The following MYOM1 variants were observed in gnomAD, a reference collection of about 807,000 sequenced individuals.
MYOM1 encodes the protein myomesin-1.
A neutral mutation model predicts 205.3 loss-of-function variants in MYOM1; 164 were observed. The ratio of observed to expected loss-of-function variants is 0.80; its 90% CI spans 0.70 to 0.91. MYOM1 has a LOEUF of 0.91. MYOM1 is among the 40% of genes least tolerant of loss of function. MYOM1 has a pLI of 0.00. For synonymous variants in MYOM1, 772 were observed against 789.4 expected, an observed-to-expected ratio of 0.98 and a Z score of 0.37; for missense variants, 2,011 against 2,127.3, an observed-to-expected ratio of 0.95 and a Z score of 1.08.
Position 3,129,496 on chromosome 18 carries a change from A to C in MYOM1, c.2530T>G (p.Cys844Gly). The C allele has an allele frequency of 6.2e-7, 1 of 1,613,264 alleles. No individual in the cohort carries two copies. The highest frequency in any genetic ancestry group is 1.1e-5 in the South Asian group (1 of 90,964). Residue 844 changes from cysteine to glycine, a missense_variant, in exon 18 of 38, where the codon TGT (cysteine) becomes GGT (glycine). Cys to Gly is a radical substitution (Grantham distance 159). Coordinates refer to ENST00000356443, the MANE Select transcript of MYOM1 (RefSeq NM_003803.4). ...CCAGGCTCATCGCTCAGTGCGGGAC[A>C]CACATCTGGAGACACTCCTCCCCCT... ...AIGGGVSPDV[C>G]PALSDEPGGL...
At chr18:3,144,160 T>C (rs2143952691) in intron 13 of MYOM1, among the ~76,000 whole-genome samples, 1 of 152,032 alleles carries the variant, frequency 6.6e-6, no homozygotes, top group Middle Eastern at 3.4e-3. Context: ...GAGCCGAGAC[T>C]GCAGCACTAC....
chr18:3,108,133 C>T (rs1243790311), intron 22 of MYOM1, among the ~76,000 whole-genome samples: 6 of 152,206 alleles, frequency 3.9e-5, no homozygotes, highest in Non-Finnish European at 8.8e-5. Context: ...AATGCCCTTA[C>T]TCAAAGAACC....
intron 34 of MYOM1, 83 bp downstream of exon 34, chr18:3,079,096 A>G: frequency 2.8e-6 from 4 of 1,446,648 alleles, no homozygotes; most frequent in Non-Finnish European, 2.8e-6. Context: ...TACAGGCATA[A>G]GCCACCATGC....
At chr18:3,120,598 C>A (rs948548046) in intron 19 of MYOM1, among the ~76,000 whole-genome samples, 4 of 152,176 alleles carry the variant, frequency 2.6e-5, no homozygotes, top group African/African-American at 9.7e-5. Context: ...GACGACCCTG[C>A]AACGCCGTGC....
At chr18:3,139,344 G>A (rs1313120384) in intron 14 of MYOM1, among the ~76,000 whole-genome samples, 1 of 152,194 alleles carries the variant, frequency 6.6e-6, no homozygotes, top group African/African-American at 2.4e-5. Flanking sequence ...TGAGGAAAAA[G>A]TTTGGGTGTA....
chr18:3,225,061 C>A, the MYOM1 span, among the ~76,000 whole-genome samples: 1 of 152,182 alleles, frequency 6.6e-6, no homozygotes, highest in Non-Finnish European at 1.5e-5. Flanking sequence ...CATCTCAGCT[C>A]ACTGCAAGCT....
At chr18:3,077,186 AT>A (rs982282987) in intron 34 of MYOM1, among the ~76,000 whole-genome samples, 61 of 149,424 alleles carry the variant, frequency 4.1e-4, no homozygotes, top group African/African-American at 1.1e-3. Flanking sequence ...CTATTTTTAC[AT>A]TTTTTTTATT....
chr18:3,200,967 G>C (rs557431379), intron 2 of MYOM1, among the ~76,000 whole-genome samples: 3 of 152,174 alleles, frequency 2.0e-5, no homozygotes, highest in Admixed American at 6.5e-5. Context: ...CAAAGCCAGA[G>C]AGAAACCTTG....
chr18:3,082,525 G>A (rs899883266), intron 33 of MYOM1, among the ~76,000 whole-genome samples: 1 of 152,134 alleles, frequency 6.6e-6, no homozygotes, highest in South Asian at 2.1e-4. Context: ...ACAGTGTAAG[G>A]AAACTTATTA....
intron 4 of MYOM1, 63 bp from the exon 5 acceptor site, chr18:3,187,700 G>T: frequency 1.4e-6 from 2 of 1,448,710 alleles, no homozygotes; most frequent in African/African-American, 1.4e-5. Context: ...AGTGAATTTT[G>T]GTGCTAAAAT....
chr18:3,240,501 A>T, the MYOM1 span, among the ~76,000 whole-genome samples: 1 of 152,224 alleles, frequency 6.6e-6, no homozygotes, highest in African/African-American at 2.4e-5. Context: ...CCATGTAGAC[A>T]TGCCTTTCAT....
At chr18:3,188,447 C>T (rs112010403) in intron 4 of MYOM1, among the ~76,000 whole-genome samples, 13,081 of 150,558 alleles carry the variant, frequency 0.087, 832 homozygotes, top group African/African-American at 0.18. Context: ...CGAAACCCCA[C>T]CTCTACCAGA....
Position 3,135,357 on chromosome 18 carries a change from C to A in MYOM1, c.2209+190G>T. ...CACATTATCAATATTGTTGAAACTC[C>A]CAAAGAAGTTTACTTTTCATAAACA... On this transcript the variant is annotated intron_variant, in intron 15 of 37. Transcript: ENST00000356443. This position sits in a 1 kb window ranked among gnomAD's most constrained non-coding sequence, Gnocchi z 4.1. The A allele has an allele frequency of 3.9e-6, 2 of 516,078 alleles. No homozygotes were observed. The highest frequency in any genetic ancestry group is 6.7e-6 in the Non-Finnish European group (2 of 298,460). 32.0% of individuals were successfully genotyped at this position (516,078 alleles called of 1,614,324 possible). A position where few individuals can be genotyped will look rare whatever the true frequency, so the allele number is the denominator to read the frequency against.
chr18:3,143,038 C>T (rs545059177), intron 13 of MYOM1, among the ~76,000 whole-genome samples: 8 of 152,070 alleles, frequency 5.3e-5, no homozygotes, highest in Non-Finnish European at 1.0e-4. Flanking sequence ...ATTAGAGAAA[C>T]TTGCAAACCC....
chr18:3,147,588 A>G (rs2080148426), intron 13 of MYOM1, among the ~76,000 whole-genome samples: 1 of 152,202 alleles, frequency 6.6e-6, no homozygotes. Flanking sequence ...GCTAAAATTT[A>G]TATATGAAAA....
At chr18:3,109,826 A>G (rs963656531) in intron 22 of MYOM1, among the ~76,000 whole-genome samples, 1 of 152,076 alleles carries the variant, frequency 6.6e-6, no homozygotes, top group African/African-American at 2.4e-5. Context: ...AGGTCCCACT[A>G]TGTTGCTCAG....
chr18:3,132,119 T>TATAC (rs376930424), intron 16 of MYOM1, among the ~76,000 whole-genome samples: 9 of 13,252 alleles, frequency 6.8e-4, no homozygotes, highest in African/African-American at 1.6e-3. Flanking sequence ...TATGTGTGTG[T>TATAC]ATATATATAT....
At chr18:3,154,729 A>G (rs535471755) in intron 11 of MYOM1, among the ~76,000 whole-genome samples, 1 of 152,090 alleles carries the variant, frequency 6.6e-6, no homozygotes, top group East Asian at 1.9e-4. Context: ...GTATGTATGT[A>G]TATGTTTGTG....
intron 33 of MYOM1, among the ~76,000 whole-genome samples, chr18:3,080,452 T>G (rs2079071646): frequency 6.6e-6 from 1 of 152,112 alleles, no homozygotes; most frequent in Non-Finnish European, 1.5e-5. Context: ...GGCAGGCGGA[T>G]CACCTGAGGT....
Sources: gnomAD v4.1 joint callset for allele counts (sites outside exome capture counted in the v4.1 genomes callset) on GRCh38, gnomAD v4.1.1 for gene constraint, Gnocchi (gnomAD v3.1) non-coding constraint, MANE v1.5 for transcripts, NCBI Gene and HGNC (gene_info 2026-07-23, HGNC 2026-07-21) for gene names.